Variants in SGCD observed in about 807,000 individuals in gnomAD.
SGCD encodes sarcoglycan delta.
In SGCD, 18 loss-of-function variants were observed where a neutral mutation model predicts 36.6. The ratio of observed to expected loss-of-function variants is 0.49; its 90% confidence interval spans 0.34 to 0.73. The LOEUF (loss-of-function observed/expected upper bound fraction) is 0.73. Ranked by LOEUF, SGCD falls within the 30% of genes least tolerant of loss-of-function variation. The pLI is 0.01. For synonymous variants in SGCD, 133 were observed against 130.6 expected, an observed-to-expected ratio of 1.02 and a Z score of -0.12; for missense variants, 387 against 346.7, an observed-to-expected ratio of 1.12 and a Z score of -0.92.
intron 3 of SGCD, among the ~76,000 whole-genome samples, chr5:156,172,625 C>T (rs928359162): frequency 8.5e-5 from 13 of 152,092 alleles, no homozygotes; most frequent in African/African-American, 3.1e-4. Context: ...CAAGTGAAAT[C>T]CTTTTAAGAC....
At chr5:156,159,092 A>T (rs1763028243) in intron 3 of SGCD, among the ~76,000 whole-genome samples, 1 of 151,416 alleles carries the variant, frequency 6.6e-6, no homozygotes, top group African/African-American at 2.4e-5. Context: ...TGTGACCAGC[A>T]CTCTGAGCCT....
intron 2 of SGCD, among the ~76,000 whole-genome samples, chr5:156,122,368 A>G (rs1049244411): frequency 1.3e-5 from 2 of 152,196 alleles, no homozygotes; most frequent in Non-Finnish European, 2.9e-5. Context: ...CATGTAATAC[A>G]TCAAAAAGAC....
chr5:155,887,391 T>C (rs1265935958), intron 1 of SGCD, among the ~76,000 whole-genome samples: 1 of 152,238 alleles, frequency 6.6e-6, no homozygotes, highest in Non-Finnish European at 1.5e-5. Flanking sequence ...CACTACTCCA[T>C]TTAAGTGTTT....
chr5:156,208,270 A>G (rs1764343453), intron 3 of SGCD, among the ~76,000 whole-genome samples: 1 of 152,242 alleles, frequency 6.6e-6, no homozygotes, highest in African/African-American at 2.4e-5. Flanking sequence ...TGTTCAAGTA[A>G]GCAGTACAAA....
intron 3 of SGCD, among the ~76,000 whole-genome samples, chr5:156,416,003 T>A (rs1773009558): frequency 6.6e-6 from 1 of 152,246 alleles, no homozygotes; most frequent in South Asian, 2.1e-4. Context: ...ACTTTTCTCT[T>A]AGAGCAATTA....
At chr5:156,000,828 C>A (rs1322176384) in intron 1 of SGCD, among the ~76,000 whole-genome samples, 2 of 150,878 alleles carry the variant, frequency 1.3e-5, no homozygotes, top group African/African-American at 2.5e-5. Context: ...TTGCCCTCCC[C>A]ACCCTTTCAG....
At chr5:155,801,234 A>T in the SGCD span, among the ~76,000 whole-genome samples, 2 of 152,064 alleles carry the variant, frequency 1.3e-5, no homozygotes, top group Non-Finnish European at 2.9e-5. Context: ...AAAAACAAAG[A>T]CATTTCTTGT....
intron 1 of SGCD, among the ~76,000 whole-genome samples, chr5:156,098,508 A>C (rs1404595522): frequency 1.3e-5 from 2 of 152,104 alleles, no homozygotes; most frequent in Non-Finnish European, 2.9e-5. Flanking sequence ...TCTCTTTCAT[A>C]ATACAATTAT....
At chr5:156,464,779 G>A (rs1156754122) in intron 3 of SGCD, among the ~76,000 whole-genome samples, 1 of 152,038 alleles carries the variant, frequency 6.6e-6, no homozygotes, top group Admixed American at 6.6e-5. Context: ...TGAATGTTCC[G>A]TGTTATGTTT....
At chr5:156,638,758 A>G (rs981816191) in intron 6 of SGCD, among the ~76,000 whole-genome samples, 1 of 152,014 alleles carries the variant, frequency 6.6e-6, no homozygotes. Flanking sequence ...GTTCCGGTCT[A>G]TTGGTTTCCA....
At chr5:156,101,605 AG>A (rs1382544550) in intron 1 of SGCD, among the ~76,000 whole-genome samples, 1 of 152,190 alleles carries the variant, frequency 6.6e-6, no homozygotes, top group Non-Finnish European at 1.5e-5. Flanking sequence ...AAGCTTTGGA[AG>A]GCTACTATTG....
intron 1 of SGCD, among the ~76,000 whole-genome samples, chr5:155,996,499 C>T (rs10059037): frequency 0.026 from 3,996 of 152,160 alleles, 168 homozygotes; most frequent in African/African-American, 0.091. Context: ...ACCAAAGGGC[C>T]GGGCGCGGTG....
At chr5:155,862,460 C>G in the SGCD span, among the ~76,000 whole-genome samples, 1 of 151,952 alleles carries the variant, frequency 6.6e-6, no homozygotes, top group South Asian at 2.1e-4. Flanking sequence ...CTAAGTAGCT[C>G]AGACTACAGA....
intron 2 of SGCD, among the ~76,000 whole-genome samples, chr5:156,338,843 C>T (rs1330070003): frequency 6.6e-6 from 1 of 152,148 alleles, no homozygotes; most frequent in African/African-American, 2.4e-5. Context: ...CACAGGGCCA[C>T]ACAGCCTCAA....
chr5:155,778,589 C>T, the SGCD span, among the ~76,000 whole-genome samples: 1 of 150,406 alleles, frequency 6.6e-6, no homozygotes, highest in Non-Finnish European at 1.5e-5. Context: ...ATTTTATTAC[C>T]TCAGGAGGTT....
intron 1 of SGCD, among the ~76,000 whole-genome samples, chr5:155,993,247 G>C (rs988565125): frequency 6.6e-6 from 1 of 151,926 alleles, no homozygotes; most frequent in Non-Finnish European, 1.5e-5. Context: ...TCCTGTTTCT[G>C]AGGACCTGTT....
At chr5:156,679,449 T>G (rs1753639317) in intron 7 of SGCD, among the ~76,000 whole-genome samples, 1 of 152,146 alleles carries the variant, frequency 6.6e-6, no homozygotes, top group Non-Finnish European at 1.5e-5. Flanking sequence ...TACCTAGAAT[T>G]TGAATTGCCT....
chr5:155,810,911 A>G, the SGCD span, among the ~76,000 whole-genome samples: 86,459 of 119,280 alleles, frequency 0.72, 31,359 homozygotes, highest in East Asian at 0.9. Context: ...TCCGCCTCCC[A>G]GGTTCACGCC....
At chr5:155,817,926 G>C in the SGCD span, among the ~76,000 whole-genome samples, 10 of 152,266 alleles carry the variant, frequency 6.6e-5, no homozygotes, top group African/African-American at 2.4e-4. Context: ...AGTTCAAATT[G>C]TAAGTTAAAA....
Sources: allele counts gnomAD v4.1 joint callset (sites outside exome capture counted in the v4.1 genomes callset), GRCh38; gene constraint gnomAD v4.1.1; transcripts MANE v1.5; gene names NCBI Gene and HGNC (gene_info 2026-07-23, HGNC 2026-07-21).